Variants in TNRC6B observed in about 807,000 individuals in gnomAD.
The protein encoded by TNRC6B is trinucleotide repeat-containing gene 6B protein.
TNRC6B carries 52 observed loss-of-function variants against 203.6 expected under a neutral mutation model. That is an observed-to-expected ratio of 0.26 (90% CI 0.20 to 0.32). The LOEUF (loss-of-function observed/expected upper bound fraction) is 0.32. TNRC6B is among the 10% of genes least tolerant of loss of function. The probability of loss-of-function intolerance (pLI) is 1.00; values close to 1 mark genes in which losing one functional copy is unlikely to be tolerated. For synonymous variants in TNRC6B, 838 were observed against 845.7 expected (o/e 0.99, Z 0.16); for missense variants, 1,923 against 2,286.2 (o/e 0.84, Z 3.24).
chr22:40,179,427 C>T (rs1415381963), intron 1 of TNRC6B, among the ~76,000 whole-genome samples: 4 of 151,798 alleles, frequency 2.6e-5, no homozygotes, highest in Admixed American at 6.6e-5. Context: ...TAATTTGTAT[C>T]CTCCTGATTT....
chr22:40,322,263 T>G (rs944523098), intron 22 of TNRC6B, among the ~76,000 whole-genome samples: 1 of 152,198 alleles, frequency 6.6e-6, no homozygotes, highest in African/African-American at 2.4e-5. Flanking sequence ...ATACAAAGAT[T>G]TCTGTCATAT....
At chr22:40,296,427 G>A (rs910375289) in intron 12 of TNRC6B, among the ~76,000 whole-genome samples, 1 of 151,410 alleles carries the variant, frequency 6.6e-6, no homozygotes, top group African/African-American at 2.4e-5. Flanking sequence ...CGCCTCCCGG[G>A]TTCATGCCAT....
At position 40,335,088 on chromosome 22, in the gene TNRC6B, T is replaced by C. The variant is rs572423557; in HGVS notation, c.*11847T>C. 360 of 152,466 alleles carry C rather than the reference T, an allele frequency of 2.4e-3. 1 individual carries two copies. Among genetic ancestry groups the C allele is most frequent in the Non-Finnish European group, 2.5e-3 (171 of 67,976 alleles). The allele number at this position is 152,466 out of a possible 1,614,324, so 9.4% of individuals were successfully genotyped here. A position where few individuals can be genotyped will look rare whatever the true frequency, so the allele number is the denominator to read the frequency against. On this transcript the variant is annotated 3_prime_UTR_variant, in exon 23 of 23. Transcript: ENST00000454349. ...ATTTTGGTGGCTTTCTTTTCTCTCT[T>C]TGATGGGCAATAGAGGAAGTAGATA...
intron 3 of TNRC6B, among the ~76,000 whole-genome samples, chr22:40,132,969 A>ATATATATATATATATATATATATAT (rs1555884686): frequency 3.8e-5 from 3 of 78,170 alleles, no homozygotes; most frequent in Non-Finnish European, 7.9e-5. Flanking sequence ...AAAAAAAAAA[A>ATATATATATATATATATATATATAT]ATATATATAT....
Position 40,323,501 on chromosome 22 carries a change from C to A in TNRC6B, c.*260C>A. On this transcript the variant is annotated 3_prime_UTR_variant, in exon 23 of 23. Coordinates refer to ENST00000454349, the MANE Select transcript of TNRC6B (RefSeq NM_001162501.2). The stretch of plus-strand genomic sequence containing the variant: ...AAATACTTGAATCATGAACGCCAAC[C>A]TAGAAAGACAATGTGAAGCAAGTAC... 1 of 354,862 alleles carries A rather than the reference C, an allele frequency of 2.8e-6. No individual in the cohort carries two copies. The highest frequency in any genetic ancestry group is 4.9e-5 in the South Asian group (1 of 20,554). The allele number at this position is 354,862 out of a possible 1,614,324, so 22.0% of individuals were successfully genotyped here. A position where few individuals can be genotyped will look rare whatever the true frequency, so the allele number is the denominator to read the frequency against.
chr22:40,075,764 C>T (rs1406673411), intron 1 of TNRC6B, among the ~76,000 whole-genome samples: 1 of 150,890 alleles, frequency 6.6e-6, no homozygotes, highest in Non-Finnish European at 1.5e-5. Context: ...TAGCTATAAA[C>T]CTTTGTTTTA....
chr22:40,297,327 GT>G (rs1399830295), intron 12 of TNRC6B, among the ~76,000 whole-genome samples: 2 of 152,194 alleles, frequency 1.3e-5, no homozygotes, highest in African/African-American at 4.8e-5. Flanking sequence ...GCTCTATCAA[GT>G]TCAGCATTCC....
intron 1 of TNRC6B, among the ~76,000 whole-genome samples, chr22:40,181,538 G>A (rs1196737745): frequency 6.6e-6 from 1 of 152,212 alleles, no homozygotes; most frequent in East Asian, 1.9e-4. Context: ...AGCATTATTG[G>A]TAAACAGATC....
At chr22:40,232,963 A>G (rs1453244129) in intron 1 of TNRC6B, among the ~76,000 whole-genome samples, 1 of 151,786 alleles carries the variant, frequency 6.6e-6, no homozygotes, top group African/African-American at 2.4e-5. Flanking sequence ...CATCCTGGCC[A>G]ATGGTGAAAC....
intron 1 of TNRC6B, among the ~76,000 whole-genome samples, chr22:40,099,640 A>G (rs6001763): frequency 0.31 from 47,633 of 152,216 alleles, 10,310 homozygotes; most frequent in African/African-American, 0.62. Flanking sequence ...ATTGTATTAG[A>G]TATCATAAAT....
chr22:40,131,224 T>TAGAA (rs2068542446), intron 3 of TNRC6B, among the ~76,000 whole-genome samples: 1 of 152,090 alleles, frequency 6.6e-6, no homozygotes, highest in East Asian at 1.9e-4. Context: ...CAGCGCGGTA[T>TAGAA]AGAAGTCTTA....
intron 12 of TNRC6B, among the ~76,000 whole-genome samples, chr22:40,294,587 C>T (rs1021440015): frequency 2.6e-5 from 4 of 152,138 alleles, no homozygotes; most frequent in African/African-American, 7.2e-5. Flanking sequence ...CAAATACAGT[C>T]GCTAACTGAG....
chr22:40,251,663 G>A (rs1356309410), intron 3 of TNRC6B, among the ~76,000 whole-genome samples: 1 of 151,364 alleles, frequency 6.6e-6, no homozygotes, highest in Non-Finnish European at 1.5e-5. Flanking sequence ...AGGTTGCAGT[G>A]AGCCGAGATC....
intron 21 of TNRC6B, among the ~76,000 whole-genome samples, chr22:40,319,743 T>C (rs752243210): frequency 1.3e-5 from 2 of 152,188 alleles, no homozygotes; most frequent in Non-Finnish European, 2.9e-5. Context: ...TTTTAGTCTC[T>C]TACTGTGCCT....
chr22:40,224,936 C>A (rs1601899041), intron 1 of TNRC6B, among the ~76,000 whole-genome samples: 1 of 152,224 alleles, frequency 6.6e-6, no homozygotes. Flanking sequence ...GTGGACCCTG[C>A]TGCCAGAAGC....
chr22:40,268,916 A>AAAAAAAAAAATAAT (rs1417470920), intron 5 of TNRC6B, among the ~76,000 whole-genome samples: 6 of 148,710 alleles, frequency 4.0e-5, no homozygotes, highest in African/African-American at 1.5e-4. Flanking sequence ...CCGTCTCAAA[A>AAAAAAAAAAATAAT]AATAATAATA....
At chr22:40,160,150 G>T (rs536655650) in intron 4 of TNRC6B, among the ~76,000 whole-genome samples, 1 of 152,082 alleles carries the variant, frequency 6.6e-6, no homozygotes, top group East Asian at 1.9e-4. Flanking sequence ...CAAACATTCT[G>T]TTGAATGGAT....
At chr22:40,169,765 C>G (rs1035948153) in intron 4 of TNRC6B, among the ~76,000 whole-genome samples, 1 of 152,124 alleles carries the variant, frequency 6.6e-6, no homozygotes, top group Non-Finnish European at 1.5e-5. Flanking sequence ...CCTTGGCATA[C>G]TCACGTTAGG....
intron 12 of TNRC6B, among the ~76,000 whole-genome samples, chr22:40,287,381 C>G (rs1480693496): frequency 6.6e-6 from 1 of 152,188 alleles, no homozygotes; most frequent in Admixed American, 6.5e-5. Flanking sequence ...CTATAGATTT[C>G]AAATTCTAGT....
Sources: gnomAD v4.1 joint callset for allele counts (sites outside exome capture counted in the v4.1 genomes callset) on GRCh38, gnomAD v4.1.1 for gene constraint, MANE v1.5 for transcripts, NCBI Gene and HGNC (gene_info 2026-07-23, HGNC 2026-07-21) for gene names.